FRAS1: variants seen among roughly 807,000 people sequenced by gnomAD.
FRAS1 encodes the protein extracellular matrix organizing protein FRAS1.
In FRAS1, 290 loss-of-function variants were observed where a neutral mutation model predicts 435.2. The observed-to-expected ratio is 0.67, with a 90% CI of 0.61 to 0.73. The LOEUF (loss-of-function observed/expected upper bound fraction) is 0.73. Among genes scored for constraint, FRAS1 ranks in the 30% least tolerant of loss-of-function variants. The probability of loss-of-function intolerance (pLI) is 0.00; values close to 1 mark genes in which losing one functional copy is unlikely to be tolerated. For missense variants in FRAS1, 4,860 were observed against 5,001.5 expected, an observed-to-expected ratio of 0.97 and a Z score of 0.85; for synonymous variants, 1,800 against 1,851.0, an observed-to-expected ratio of 0.97 and a Z score of 0.71.
chr4:78,218,145 A>C (rs968157126), intron 2 of FRAS1, among the ~76,000 whole-genome samples: 2 of 109,736 alleles, frequency 1.8e-5, no homozygotes, highest in Non-Finnish European at 3.9e-5. Flanking sequence ...AGTTGTATTT[A>C]TGTTAATATT....
chr4:78,116,760 C>G (rs1216667282), intron 2 of FRAS1, among the ~76,000 whole-genome samples: 1 of 152,168 alleles, frequency 6.6e-6, no homozygotes, highest in Non-Finnish European at 1.5e-5. Context: ...ATACAGCACA[C>G]TGATTGGTCT....
At chr4:78,212,821 T>C (rs1222783579) in intron 2 of FRAS1, among the ~76,000 whole-genome samples, 1 of 152,194 alleles carries the variant, frequency 6.6e-6, no homozygotes, top group Non-Finnish European at 1.5e-5. Context: ...GAATGGAAAT[T>C]GATATATAAG....
At chr4:78,096,064 A>G (rs1741788260) in intron 2 of FRAS1, among the ~76,000 whole-genome samples, 1 of 152,226 alleles carries the variant, frequency 6.6e-6, no homozygotes, top group African/African-American at 2.4e-5. Flanking sequence ...TCCTAGATAC[A>G]ATGGAGTTAC....
chr4:78,467,863 G>A (rs1363774403), intron 50 of FRAS1, among the ~76,000 whole-genome samples: 2 of 152,056 alleles, frequency 1.3e-5, no homozygotes, highest in East Asian at 3.9e-4. Context: ...TTTTCCATTT[G>A]TATGTCTTCT....
Position 78,508,846 on chromosome 4 carries a change from CCA to C in FRAS1, c.9621_9622del (p.Arg3208IlefsTer10). The C allele has an allele frequency of 6.2e-7, 1 of 1,613,864 alleles. No homozygotes were observed. Among genetic ancestry groups the C allele is most frequent in the South Asian group, 1.1e-5 (1 of 91,072 alleles). On this transcript the variant is annotated frameshift_variant, in exon 63 of 74. Transcript: ENST00000512123. LOFTEE classifies it high-confidence loss of function. ...GTCACCCCCTGCGACCCTCATTTCC[CCA>C]GATACGCTGTCATGAAGGAGCGCTG... is the stretch of plus-strand genomic sequence containing the variant.
At chr4:78,524,229 C>T (rs1721467836) in intron 69 of FRAS1, among the ~76,000 whole-genome samples, 2 of 152,196 alleles carry the variant, frequency 1.3e-5, no homozygotes, top group African/African-American at 2.4e-5. Context: ...TCCCCAGAAC[C>T]ACAGGTTTTA....
chr4:78,117,199 C>T (rs1421097242), intron 2 of FRAS1, among the ~76,000 whole-genome samples: 1 of 152,208 alleles, frequency 6.6e-6, no homozygotes, highest in Non-Finnish European at 1.5e-5. Context: ...GCCAAGAGAT[C>T]AGCTGTTGGT....
chr4:78,079,931 T>G (rs367982316), intron 2 of FRAS1, among the ~76,000 whole-genome samples: 4 of 152,116 alleles, frequency 2.6e-5, no homozygotes, highest in Non-Finnish European at 5.9e-5. Flanking sequence ...CAAGGATAAA[T>G]AGACATTTGG....
chr4:78,113,324 A>T (rs1458744498), intron 2 of FRAS1, among the ~76,000 whole-genome samples: 2 of 152,112 alleles, frequency 1.3e-5, no homozygotes, highest in African/African-American at 4.8e-5. Context: ...ATGATTTATA[A>T]TCCTTTGGGT....
intron 10 of FRAS1, among the ~76,000 whole-genome samples, 159 bp downstream of exon 10, chr4:78,278,903 C>T (rs551585389): frequency 6.6e-6 from 1 of 152,238 alleles, no homozygotes; most frequent in Non-Finnish European, 1.5e-5. Context: ...GAAGGGAATA[C>T]AACAGGCAGA....
intron 2 of FRAS1, among the ~76,000 whole-genome samples, chr4:78,102,912 T>G (rs1304179373): frequency 6.6e-6 from 1 of 152,210 alleles, no homozygotes; most frequent in Non-Finnish European, 1.5e-5. Context: ...AAAACGCTTT[T>G]GGAAATGGCA....
At chr4:78,521,985 T>C (rs1190630264) in intron 68 of FRAS1, among the ~76,000 whole-genome samples, 4 of 152,248 alleles carry the variant, frequency 2.6e-5, no homozygotes, top group Admixed American at 6.5e-5. Flanking sequence ...CTTTTCCACT[T>C]ATTTTTATAT....
At chr4:78,334,452 C>A (rs553074334) in intron 19 of FRAS1, among the ~76,000 whole-genome samples, 163 of 144,696 alleles carry the variant, frequency 1.1e-3, no homozygotes, top group African/African-American at 4.1e-3. Context: ...CTCACTGCAA[C>A]CTCCGCTTCC....
intron 49 of FRAS1, 66 bp downstream of exon 49, chr4:78,464,649 G>T: frequency 4.5e-6 from 7 of 1,563,142 alleles, no homozygotes; most frequent in Non-Finnish European, 6.1e-6. Flanking sequence ...CAGCTATCAC[G>T]TTGCAGCTGT....
intron 2 of FRAS1, among the ~76,000 whole-genome samples, chr4:78,116,874 T>G (rs1396912798): frequency 1.3e-5 from 2 of 152,260 alleles, no homozygotes; most frequent in Non-Finnish European, 2.9e-5. Flanking sequence ...CCTGTCATTA[T>G]GATGTTAGCT....
chr4:78,479,593 T>C lies in FRAS1; in HGVS notation c.8318T>C (p.Leu2773Ser). ...YEEEEEFEIA[L>S]ADASDNARIG... ...GAGGAAGAAGAGTTTGAGATTGCCT[T>C]GGCAGATGCCTCTGACAATGCCCGC... Residue 2773 changes from leucine (L) to serine (S), a missense_variant, in exon 56 of 74, where the codon TTG (leucine) becomes TCG (serine). Coordinates refer to ENST00000512123, the MANE Select transcript of FRAS1 (RefSeq NM_025074.7). 1 of 1,613,982 alleles carries C rather than the reference T, an allele frequency of 6.2e-7. No individual in the cohort carries two copies.
At chr4:78,386,282 C>G (rs1211298570) in intron 28 of FRAS1, among the ~76,000 whole-genome samples, 1 of 152,084 alleles carries the variant, frequency 6.6e-6, no homozygotes, top group Non-Finnish European at 1.5e-5. Flanking sequence ...GGTCTTGAGC[C>G]TCTCTGAAAT....
intron 66 of FRAS1, among the ~76,000 whole-genome samples, chr4:78,518,830 G>A (rs1721297937): frequency 6.6e-6 from 1 of 152,110 alleles, no homozygotes; most frequent in African/African-American, 2.4e-5. Context: ...GGAGATGAGA[G>A]CACTCACTAA....
rs186537249 is a variant in FRAS1 at position 78,398,879 on chromosome 4, A to G, written c.3976-1855A>G. 2.6e-5 allele frequency among the ~76,000 whole-genome samples: 4 copies of G among 152,264 alleles called. No homozygotes were observed. The East Asian group carries it at 7.7e-4, about 29-fold the overall frequency. On this transcript the variant is annotated intron_variant, in intron 29 of 73. Transcript: ENST00000512123. ...GCACCTATAATCCCAGCTACTCAGG[A>G]GGCTGAATCAGGGGAATTGTTTGAA...
Sources: allele counts gnomAD v4.1 joint callset (sites outside exome capture counted in the v4.1 genomes callset), GRCh38; gene constraint gnomAD v4.1.1; transcripts MANE v1.5; gene names NCBI Gene and HGNC (gene_info 2026-07-23, HGNC 2026-07-21).